PGAP2: variants seen among roughly 807,000 people sequenced by gnomAD.
PGAP2 encodes acyltransferase PGAP2.
PGAP2 carries 21 observed loss-of-function variants against 33.2 expected under a neutral mutation model. The observed-to-expected ratio is 0.63, with a 90% CI of 0.45 to 0.91. The LOEUF is 0.91. PGAP2 is among the 40% of genes least tolerant of loss of function. The pLI, the probability that PGAP2 is intolerant of heterozygous loss-of-function variation, is 0.00. For missense variants in PGAP2, 345 were observed against 424.0 expected, an observed-to-expected ratio of 0.81 and a Z score of 1.64; for synonymous variants, 161 against 172.9, an observed-to-expected ratio of 0.93 and a Z score of 0.54.
In PGAP2 at chr11:3,811,341, T is replaced by C; in HGVS notation, c.82T>C (p.Cys28Arg). The C allele has an allele frequency of 1.9e-6, 3 of 1,614,136 alleles. No homozygotes were observed. Among genetic ancestry groups the C allele is most frequent in the Non-Finnish European group, 2.5e-6 (3 of 1,179,980 alleles). ...CACCATGGTGGCCCTGGTCACGGTC[T>C]GCTGTCCACTTGTCGCCTTCCTCTT... is the stretch of plus-strand genomic sequence containing the variant. ...RFTMVALVTVCCPLVAFLFCI... is the reference protein window; with the variant it reads ...RFTMVALVTVRCPLVAFLFCI... Residue 28 changes from cysteine to arginine, a missense_variant, in exon 2 of 7, where the codon TGC becomes CGC. Physicochemically the swap from Cys to Arg is radical, Grantham distance 180 (BLOSUM62 -3). Around this residue, in one of 2 missense-constraint regions of PGAP2, gnomAD observed 34 missense variants for 70.3 expected, o/e 0.48. Transcript: ENST00000278243. The surrounding 1 kb of genome is among the most constrained non-coding windows in gnomAD (Gnocchi z 4.6).
chr11:3,823,118 G>A (rs1203892411), intron 3 of PGAP2: 12 of 537,886 alleles, frequency 2.2e-5, no homozygotes, highest in Admixed American at 1.2e-4. Context: ...CTCACTGCAA[G>A]CTCCGCTTCC....
intron 3 of PGAP2, among the ~76,000 whole-genome samples, chr11:3,818,899 T>C (rs1183151088): frequency 6.6e-6 from 1 of 152,136 alleles, no homozygotes; most frequent in East Asian, 1.9e-4. Flanking sequence ...ATCACTTTCT[T>C]CTTGGAGGAG....
intron 2 of PGAP2, among the ~76,000 whole-genome samples, chr11:3,817,096 C>A (rs192311187): frequency 6.6e-6 from 1 of 152,180 alleles, no homozygotes; most frequent in African/African-American, 2.4e-5. Flanking sequence ...CTTCTGTAGG[C>A]TCTTCAAGAG....
Position 3,802,988 on chromosome 11 carries a change from G to A in PGAP2, c.139+5006G>A, listed in dbSNP as rs1356812803. On this transcript the variant is annotated intron_variant, in intron 1 of 6. Coordinates refer to the PGAP2 transcript ENST00000300730. The stretch of plus-strand genomic sequence containing the variant: ...ACTACAGGCGCCTGCCACCACACCC[G>A]GCTAATTTTTTTTTTTTCTTTTGGA... 5.6e-5 allele frequency among the ~76,000 whole-genome samples: 8 copies of A among 141,992 alleles called. 1 individual carries two copies. Among genetic ancestry groups the A allele is most frequent in the Admixed American group, 5.6e-4 (8 of 14,348 alleles). 93.2% of individuals were successfully genotyped at this position (141,992 alleles called of 152,430 possible).
chr11:3,806,749 C>T (rs1020038253), upstream of PGAP2, among the ~76,000 whole-genome samples: 4 of 152,028 alleles, frequency 2.6e-5, no homozygotes, highest in African/African-American at 4.8e-5. Flanking sequence ...TATCTACTGG[C>T]GGAGGCTCAT....
At chr11:3,803,786 T>TAG (rs1841604538), upstream of PGAP2, among the ~76,000 whole-genome samples, 1 of 80,638 alleles carries the variant, frequency 1.2e-5, no homozygotes, top group Non-Finnish European at 3.0e-5. Flanking sequence ...TTTACTGCTA[T>TAG]ATATATATAT....
chr11:3,805,237 A>G (rs1356515889), upstream of PGAP2, among the ~76,000 whole-genome samples: 1 of 151,038 alleles, frequency 6.6e-6, no homozygotes, highest in Non-Finnish European at 1.5e-5. Flanking sequence ...CTCTAATACA[A>G]CAACCCTATG....
At chr11:3,823,413 C>G (rs141073840) in intron 3 of PGAP2, among the ~76,000 whole-genome samples, 1 of 152,090 alleles carries the variant, frequency 6.6e-6, no homozygotes, top group Non-Finnish European at 1.5e-5. Flanking sequence ...GAGTGAGTGG[C>G]GCTGGGAGCA....
At chr11:3,807,315 T>C (rs2084573847), upstream of PGAP2, among the ~76,000 whole-genome samples, 1 of 146,686 alleles carries the variant, frequency 6.8e-6, no homozygotes, top group African/African-American at 2.6e-5. Context: ...ACAGGTTTTT[T>C]TTTTTTTTTT....
chr11:3,817,488 T>C lies in PGAP2; in HGVS notation c.301T>C (p.Trp101Arg), dbSNP rs774293896. The C allele has an allele frequency of 1.2e-6, 2 of 1,614,220 alleles. No individual in the cohort carries two copies. Among genetic ancestry groups the C allele is most frequent in the South Asian group, 2.2e-5 (2 of 91,084 alleles). Residue 101 changes from tryptophan to arginine, a missense_variant, in exon 3 of 7, where the codon TGG (tryptophan) becomes CGG (arginine). By Grantham distance (101) the Trp-to-Arg change is moderately radical (BLOSUM62 -3). This residue lies in a region of PGAP2 where 311 missense variants were observed against 353.6 expected (regional missense o/e 0.88). Transcript: ENST00000278243. Reference protein sequence around the residue: ...PVFGFFFCIIWSLVFHFEYTV... With the variant: ...PVFGFFFCIIRSLVFHFEYTV... Reference sequence around the variant, plus strand: ...GTTCGGCTTCTTCTTCTGCATCATCTGGTCCCTGGTGTTCCACTTTGAGTA... The same window carrying C: ...GTTCGGCTTCTTCTTCTGCATCATCCGGTCCCTGGTGTTCCACTTTGAGTA...
chr11:3,825,285 G>C (rs759938107), intron 6 of PGAP2, 43 bp from the exon 7 acceptor site: 14 of 1,602,254 alleles, frequency 8.7e-6, no homozygotes, highest in Admixed American at 1.7e-5. Flanking sequence ...TGAGCGGGTA[G>C]CTGGAAGTTC....
upstream of PGAP2, among the ~76,000 whole-genome samples, chr11:3,805,512 T>C (rs532909958): frequency 6.6e-6 from 1 of 150,966 alleles, no homozygotes; most frequent in Admixed American, 6.6e-5. Flanking sequence ...TCCTCCTGCC[T>C]TGGCCTCCCA....
intron 3 of PGAP2, among the ~76,000 whole-genome samples, chr11:3,820,537 G>A (rs1182244669): frequency 1.3e-5 from 2 of 152,134 alleles, no homozygotes; most frequent in African/African-American, 4.8e-5. Flanking sequence ...CCAGGCGTCT[G>A]TAATCCCAGC....
At position 3,825,404 on chromosome 11, in the gene PGAP2, C is replaced by T. The variant is rs770212477; in HGVS notation, c.894C>T (p.Asp298=). The stretch of plus-strand genomic sequence containing the variant: ...CGTTCCACATGACGGCCTGGTGGGA[C>T]TTCGGGAACAAGGAGCTGCTCATAA... ...NMAFHMTAWW[D]FGNKELLITS... The change falls in exon 7 of 7, where the codon GAC becomes GAT. Residue 298 remains aspartate, a synonymous_variant. Transcript: ENST00000278243. The T allele has an allele frequency of 1.1e-5, 18 of 1,613,832 alleles. No individual in the cohort carries two copies. In the Middle Eastern group the frequency reaches 5.0e-4, roughly 45 times the overall value.
At position 3,823,508 on chromosome 11, in the gene PGAP2, G is replaced by T. The variant is rs115189155; in HGVS notation, c.349-375G>T. On this transcript the variant is annotated intron_variant, in intron 3 of 6. Transcript: ENST00000278243. ...GTCTGTGACTCATCCCTGTCCTCTGGACTGAATCTGAGGCCTTGGAACTCA... is the reference window on the plus strand; with the variant it reads ...GTCTGTGACTCATCCCTGTCCTCTGTACTGAATCTGAGGCCTTGGAACTCA... 700 of 1,204,314 alleles carry T rather than the reference G, an allele frequency of 5.8e-4. 3 individuals carry two copies. In the African/African-American group the frequency reaches 9.8e-3, roughly 17 times the overall value. The allele number at this position is 1,204,314 out of a possible 1,614,324, so 74.6% of individuals were successfully genotyped here.
rs1398032346 is a variant in PGAP2 at position 3,811,571 on chromosome 11, C to T, written c.165+147C>T. 2 of 756,700 alleles carry T rather than the reference C, an allele frequency of 2.6e-6. No homozygotes were observed. The highest frequency in any genetic ancestry group is 3.9e-5 in the South Asian group (2 of 51,554). The allele number at this position is 756,700 out of a possible 1,614,324, so 46.9% of individuals were successfully genotyped here. The stretch of plus-strand genomic sequence containing the variant: ...TGGGGGGATGCCTGCAAATTGAAAT[C>T]TCAAGGGTTAGTCTCCCTCTGCCTT... On this transcript the variant is annotated intron_variant, in intron 2 of 6. Coordinates refer to ENST00000278243, the MANE Select transcript of PGAP2 (RefSeq NM_014489.4). This position sits in a 1 kb window ranked among gnomAD's most constrained non-coding sequence, Gnocchi z 4.6.
At chr11:3,798,527 C>T (rs1287817633) in intron 1 of PGAP2, among the ~76,000 whole-genome samples, 3 of 151,958 alleles carry the variant, frequency 2.0e-5, no homozygotes, top group South Asian at 2.1e-4. Context: ...ACGGGGATTT[C>T]ACTGTGTTGG....
chr11:3,797,766 G>A, upstream of PGAP2: 2 of 1,512,066 alleles, frequency 1.3e-6, no homozygotes, highest in Non-Finnish European at 1.8e-6. Context: ...AGAGGGCCGT[G>A]GAGTCCCGCC....
rs1261495217 is a variant in PGAP2 at position 3,824,646 on chromosome 11, G to A, written c.708+270G>A. The A allele has an allele frequency of 7.1e-6, 5 of 708,690 alleles. No individual in the cohort carries two copies. The East Asian group carries it at 1.1e-4, about 15-fold the overall frequency. The allele number at this position is 708,690 out of a possible 1,614,324, so 43.9% of individuals were successfully genotyped here. ...GGGATAGAATGAGGAGTCGCATCTA[G>A]GCGGCAGTGAGTTAGGAACAGTGTC... On this transcript the variant is annotated intron_variant, in intron 5 of 6. Coordinates refer to ENST00000278243, the MANE Select transcript of PGAP2 (RefSeq NM_014489.4).
Sources: allele counts gnomAD v4.1 joint callset (sites outside exome capture counted in the v4.1 genomes callset), GRCh38; gene constraint gnomAD v4.1.1; regional missense constraint gnomAD v4.1.1; non-coding constraint Gnocchi (gnomAD v3.1); transcripts MANE v1.5; gene names NCBI Gene and HGNC (gene_info 2026-07-23, HGNC 2026-07-21).